The following ERG variants were observed in gnomAD, a reference collection of about 807,000 sequenced individuals.
ERG encodes transcriptional regulator ERG.
A neutral mutation model predicts 55.3 loss-of-function variants in ERG; 9 were observed. The observed-to-expected ratio is 0.16, with a 90% CI of 0.10 to 0.28. The LOEUF (loss-of-function observed/expected upper bound fraction) is 0.28. Among genes scored for constraint, ERG ranks in the 10% least tolerant of loss-of-function variants. The pLI is 1.00. For missense variants in ERG, 434 were observed against 631.6 expected (o/e 0.69, Z 3.35); for synonymous variants, 223 against 237.3 (o/e 0.94, Z 0.55).
intron 2 of ERG, among the ~76,000 whole-genome samples, chr21:38,555,395 A>G (rs942767456): frequency 1.3e-5 from 2 of 151,954 alleles, no homozygotes; most frequent in African/African-American, 4.8e-5. Context: ...TTTCTCAGTA[A>G]AAAAATAATA....
intron 2 of ERG, among the ~76,000 whole-genome samples, chr21:38,568,051 A>G (rs537440840): frequency 6.6e-6 from 1 of 152,158 alleles, no homozygotes; most frequent in South Asian, 2.1e-4. Context: ...GCTTCAGTTC[A>G]CTTCTTGGGA....
Position 38,618,357 on chromosome 21 carries a change from A to T in ERG, c.-149-33412T>A, listed in dbSNP as rs567737288. 5.9e-5 allele frequency among the ~76,000 whole-genome samples: 9 copies of T among 152,336 alleles called. No individual in the cohort carries two copies. In the East Asian group the frequency reaches 1.5e-3, roughly 26 times the overall value. ...GGATCATTAACCGGTAAAACAATGC[A>T]TGCCCCTAAAATAACAACTGACAAG... is the stretch of plus-strand genomic sequence containing the variant. On this transcript the variant is annotated intron_variant, in intron 1 of 10. Transcript: ENST00000398910.
chr21:38,629,463 C>A (rs2060344546), intron 1 of ERG, among the ~76,000 whole-genome samples: 1 of 152,044 alleles, frequency 6.6e-6, no homozygotes, highest in African/African-American at 2.4e-5. Context: ...AACAAACAAC[C>A]CAACTCAAAA....
intron 2 of ERG, among the ~76,000 whole-genome samples, chr21:38,535,811 G>A (rs533138352): frequency 8.5e-5 from 13 of 152,294 alleles, no homozygotes; most frequent in African/African-American, 4.8e-5. Flanking sequence ...TAACGTGCTT[G>A]ATTATCATAC....
chr21:38,397,926 T>C (rs1021300680), intron 6 of ERG, among the ~76,000 whole-genome samples: 1 of 152,178 alleles, frequency 6.6e-6, no homozygotes, highest in Non-Finnish European at 1.5e-5. Flanking sequence ...GCTTGCTTCA[T>C]GGTCAGCACA....
chr21:38,437,339 G>GACA (rs2058800277), intron 2 of ERG, among the ~76,000 whole-genome samples: 1 of 151,994 alleles, frequency 6.6e-6, no homozygotes, highest in Non-Finnish European at 1.5e-5. Context: ...ACAGGTGGGG[G>GACA]TGGGGGCTGC....
chr21:38,624,630 C>T (rs911514593), intron 1 of ERG, among the ~76,000 whole-genome samples: 1 of 152,152 alleles, frequency 6.6e-6, no homozygotes, highest in African/African-American at 2.4e-5. Flanking sequence ...TGTGATGGGA[C>T]GACCTGGATT....
At position 38,647,646 on chromosome 21, in the gene ERG, C is replaced by G. The variant is rs114467334; in HGVS notation, c.-150+14012G>C. Among the ~76,000 whole-genome samples the G allele has an allele frequency of 5.0e-3, 767 of 152,290 alleles. 11 individuals carry two copies. Among genetic ancestry groups the G allele is most frequent in the African/African-American group, 0.018 (734 of 41,556 alleles). On this transcript the variant is annotated intron_variant, in intron 1 of 10. Transcript: ENST00000398910. The stretch of plus-strand genomic sequence containing the variant: ...TTTAAGCCTAAATGTAACTACATTA[C>G]AAAATGTCACTACTTCTTGCTGGTT...
intron 1 of ERG, among the ~76,000 whole-genome samples, chr21:38,453,434 A>T (rs1257354265): frequency 1.3e-5 from 2 of 152,268 alleles, no homozygotes; most frequent in Non-Finnish European, 2.9e-5. Flanking sequence ...ACATCATTTT[A>T]AAACAACTCT....
At chr21:38,587,701 C>T (rs1467320537), upstream of ERG, among the ~76,000 whole-genome samples, 6 of 152,174 alleles carry the variant, frequency 3.9e-5, no homozygotes, top group Admixed American at 3.3e-4. Context: ...AATCCAAAAG[C>T]CAATATTGAC....
chr21:38,465,667 G>A (rs76764303), intron 1 of ERG, among the ~76,000 whole-genome samples: 1,969 of 152,244 alleles, frequency 0.013, 43 homozygotes, highest in African/African-American at 0.045. Flanking sequence ...CAGGTGTATG[G>A]AAATCACTCT....
At chr21:38,514,095 C>G (rs1403320320) in intron 2 of ERG, among the ~76,000 whole-genome samples, 4 of 151,468 alleles carry the variant, frequency 2.6e-5, no homozygotes, top group African/African-American at 9.7e-5. Context: ...AACCTGAACT[C>G]CTATAATTAT....
At chr21:38,469,302 C>A (rs1216858960) in intron 1 of ERG, among the ~76,000 whole-genome samples, 2 of 152,146 alleles carry the variant, frequency 1.3e-5, no homozygotes, top group Non-Finnish European at 2.9e-5. Context: ...CTATCTCTCC[C>A]CGTGATAAAA....
rs147039083 is a variant in ERG, at chr21:38,611,777, C to T, written c.-149-26832G>A. Reference sequence around the variant, plus strand: ...GGGGACATTCATCTGTTTGGCTCCCCGCTGCATCCTCGGCACCCAGGACAG... The same window carrying T: ...GGGGACATTCATCTGTTTGGCTCCCTGCTGCATCCTCGGCACCCAGGACAG... On this transcript the variant is annotated intron_variant, in intron 1 of 10. Coordinates refer to the ERG transcript ENST00000398910. 4.7e-3 allele frequency among the ~76,000 whole-genome samples: 718 copies of T among 152,204 alleles called. 5 individuals are homozygous for T. Among genetic ancestry groups the T allele is most frequent in the African/African-American group, 0.011 (461 of 41,524 alleles).
intron 5 of ERG, 42 bp downstream of exon 5, chr21:38,402,515 C>T: frequency 2.0e-6 from 3 of 1,479,176 alleles, no homozygotes; most frequent in Non-Finnish European, 2.8e-6. Flanking sequence ...GTACGTAAGA[C>T]CCTACGCTCT....
intron 1 of ERG, among the ~76,000 whole-genome samples, chr21:38,480,809 AG>A (rs767024883): frequency 5.9e-5 from 9 of 152,066 alleles, no homozygotes; most frequent in Non-Finnish European, 1.3e-4. Flanking sequence ...ATCCCACTGG[AG>A]GAAAAGTGTC....
intron 9 of ERG, among the ~76,000 whole-genome samples, chr21:38,388,060 G>A (rs1280587473): frequency 6.6e-6 from 1 of 152,224 alleles, no homozygotes; most frequent in Non-Finnish European, 1.5e-5. Flanking sequence ...CTGGAAGACT[G>A]CACACTGCCA....
chr21:38,372,230 T>A, the ERG span, among the ~76,000 whole-genome samples: 14 of 152,180 alleles, frequency 9.2e-5, no homozygotes, highest in African/African-American at 3.4e-4. Flanking sequence ...TTTTTTAAAG[T>A]ACTCTCACTA....
At chr21:38,643,858 T>C (rs1289495372) in intron 1 of ERG, among the ~76,000 whole-genome samples, 1 of 152,202 alleles carries the variant, frequency 6.6e-6, no homozygotes, top group African/African-American at 2.4e-5. Context: ...GCTTGAGCCA[T>C]ATGTTGGCTG....
Sources: gnomAD v4.1 joint callset for allele counts (sites outside exome capture counted in the v4.1 genomes callset) on GRCh38, gnomAD v4.1.1 for gene constraint, MANE v1.5 for transcripts, NCBI Gene and HGNC (gene_info 2026-07-23, HGNC 2026-07-21) for gene names.